RAB38: variants seen among roughly 807,000 people sequenced by gnomAD.
RAB38 encodes the protein ras-related protein Rab-38.
RAB38 carries 15 observed loss-of-function variants against 18.4 expected under a neutral mutation model. The ratio of observed to expected loss-of-function variants is 0.82; its 90% CI spans 0.55 to 1.26. RAB38 has a LOEUF of 1.26. Among genes scored for constraint, RAB38 ranks in the 50% most tolerant of loss-of-function variants. The pLI, the probability that RAB38 is intolerant of heterozygous loss-of-function variation, is 0.00. For synonymous variants in RAB38, 101 were observed against 104.4 expected, an observed-to-expected ratio of 0.97 and a Z score of 0.20; for missense variants, 294 against 267.4, an observed-to-expected ratio of 1.10 and a Z score of -0.69.
chr11:87,954,524 A>G, the RAB38 span, among the ~76,000 whole-genome samples: 15 of 152,188 alleles, frequency 9.9e-5, no homozygotes, highest in Non-Finnish European at 1.5e-4. Flanking sequence ...AAAGACCTGC[A>G]TAAATGCACG....
At chr11:88,005,407 T>A in the RAB38 span, among the ~76,000 whole-genome samples, 43,837 of 95,586 alleles carry the variant, frequency 0.46, 7,127 homozygotes, top group Admixed American at 0.51. Flanking sequence ...TTAAAAAAAA[T>A]ATCCTACAAC....
At chr11:88,007,640 G>A in the RAB38 span, among the ~76,000 whole-genome samples, 308 of 152,172 alleles carry the variant, frequency 2.0e-3, 1 homozygote, top group Non-Finnish European at 3.6e-3. Flanking sequence ...TAGATTGCTG[G>A]TGAAAGCATA....
chr11:87,831,230 G>C, the RAB38 span, among the ~76,000 whole-genome samples: 1 of 152,084 alleles, frequency 6.6e-6, no homozygotes, highest in Non-Finnish European at 1.5e-5. Context: ...ATGGCTTTTT[G>C]AGGGGTTTAC....
chr11:87,901,027 G>T, the RAB38 span, among the ~76,000 whole-genome samples: 21 of 151,528 alleles, frequency 1.4e-4, no homozygotes, highest in African/African-American at 3.9e-4. Flanking sequence ...ACTTTATGCA[G>T]AATTTTTCTT....
At chr11:87,878,483 C>T in the RAB38 span, among the ~76,000 whole-genome samples, 1 of 151,168 alleles carries the variant, frequency 6.6e-6, no homozygotes, top group Non-Finnish European at 1.5e-5. Context: ...TGAAAGTAGA[C>T]AATAAAATGC....
chr11:87,864,568 T>C, the RAB38 span, among the ~76,000 whole-genome samples: 1 of 134,748 alleles, frequency 7.4e-6, no homozygotes, highest in South Asian at 2.2e-4. Context: ...TGAATTATCT[T>C]ACTTTTTTGA....
the RAB38 span, among the ~76,000 whole-genome samples, chr11:88,056,620 C>T: frequency 6.6e-6 from 1 of 151,900 alleles, no homozygotes; most frequent in African/African-American, 2.4e-5. Context: ...CTGGCTAATA[C>T]GGTGAAACCG....
chr11:88,132,049 C>T (rs1942772518), intron 2 of RAB38, among the ~76,000 whole-genome samples: 1 of 152,164 alleles, frequency 6.6e-6, no homozygotes, highest in Non-Finnish European at 1.5e-5. Flanking sequence ...AGAAGAGGAT[C>T]CCAAGGTTTA....
At chr11:87,908,736 A>G in the RAB38 span, among the ~76,000 whole-genome samples, 1 of 151,982 alleles carries the variant, frequency 6.6e-6, no homozygotes, top group African/African-American at 2.4e-5. Context: ...ACAGCTGAAC[A>G]GGAATGTTTG....
At chr11:88,174,909 C>T (rs371627246) in intron 1 of RAB38, among the ~76,000 whole-genome samples, 1 of 152,250 alleles carries the variant, frequency 6.6e-6, no homozygotes, top group Non-Finnish European at 1.5e-5. Context: ...TGCAGACAAT[C>T]TTCCTCTGGT....
At chr11:88,067,210 A>C in the RAB38 span, among the ~76,000 whole-genome samples, 5 of 152,234 alleles carry the variant, frequency 3.3e-5, no homozygotes, top group Non-Finnish European at 7.3e-5. Flanking sequence ...GAGGAAGATT[A>C]GAATATTTAA....
At chr11:87,806,803 C>G in the RAB38 span, among the ~76,000 whole-genome samples, 1 of 152,140 alleles carries the variant, frequency 6.6e-6, no homozygotes, top group African/African-American at 2.4e-5. Context: ...AAAGAGAAAA[C>G]AAGTGAGTGA....
At chr11:88,063,687 T>C in the RAB38 span, among the ~76,000 whole-genome samples, 1 of 152,298 alleles carries the variant, frequency 6.6e-6, no homozygotes, top group African/African-American at 2.4e-5. Flanking sequence ...TCACCCATAC[T>C]GTTCTCATGG....
At chr11:88,049,888 C>G in the RAB38 span, among the ~76,000 whole-genome samples, 2 of 152,136 alleles carry the variant, frequency 1.3e-5, no homozygotes, top group East Asian at 3.8e-4. Context: ...GTCCAGAGAC[C>G]ACAAAGGTAA....
At chr11:87,928,122 GAAGA>G in the RAB38 span, among the ~76,000 whole-genome samples, 2 of 151,660 alleles carry the variant, frequency 1.3e-5, no homozygotes, top group Non-Finnish European at 2.9e-5. Flanking sequence ...AAGAAAGAAG[GAAGA>G]GAGAGAAACT....
At chr11:87,844,330 T>G in the RAB38 span, among the ~76,000 whole-genome samples, 1 of 152,232 alleles carries the variant, frequency 6.6e-6, no homozygotes, top group Non-Finnish European at 1.5e-5. Flanking sequence ...GTTTCAGGCA[T>G]GCCTTAAGTA....
the RAB38 span, among the ~76,000 whole-genome samples, chr11:87,903,010 T>C: frequency 1.3e-4 from 19 of 151,232 alleles, no homozygotes; most frequent in African/African-American, 3.4e-4. Flanking sequence ...TGTCCGTGAA[T>C]AGAAATTTTT....
intron 1 of RAB38, among the ~76,000 whole-genome samples, chr11:88,151,104 G>A (rs1943058825): frequency 1.3e-5 from 2 of 152,160 alleles, no homozygotes; most frequent in South Asian, 4.1e-4. Context: ...TTGCTCTGAT[G>A]CTTAACGTTC....
At chr11:88,033,328 G>T in the RAB38 span, among the ~76,000 whole-genome samples, 3 of 151,526 alleles carry the variant, frequency 2.0e-5, no homozygotes, top group African/African-American at 7.3e-5. Flanking sequence ...GTATACATAT[G>T]TAACTAACCT....
Sources: allele counts gnomAD v4.1 joint callset (sites outside exome capture counted in the v4.1 genomes callset), GRCh38; gene constraint gnomAD v4.1.1; transcripts MANE v1.5; gene names NCBI Gene and HGNC (gene_info 2026-07-23, HGNC 2026-07-21).